The following OR7D4 variants were observed in gnomAD, a reference collection of about 807,000 sequenced individuals.
OR7D4 encodes the protein olfactory receptor family 7 subfamily D member 4, also known as olfactory receptor 7D4.
For missense variants in OR7D4, 319 were observed against 377.1 expected, an observed-to-expected ratio of 0.85 and a Z score of 1.27; for synonymous variants, 154 against 158.4, an observed-to-expected ratio of 0.97 and a Z score of 0.21.
rs1200575174 is a variant in OR7D4, at chr19:9,212,007, C to T, written c.*1892G>A. ...AAGCCCTGTTCCTTCAATGGTCATT[C>T]ACTTTTCTCCTCTTCTACTTTTATT... On this transcript the variant is annotated 3_prime_UTR_variant, in exon 2 of 2. Coordinates refer to ENST00000641669, the MANE Select transcript of OR7D4 (RefSeq NM_001005191.3). 13 of 152,120 alleles carry T rather than the reference C, an allele frequency of 8.5e-5. No homozygotes were observed. 9.4% of individuals were successfully genotyped at this position (152,120 alleles called of 1,614,324 possible).
chr19:9,214,730 C>T lies in OR7D4; in HGVS notation c.108G>A (p.Leu36=). The change falls in exon 2 of 2, where the codon CTG becomes CTA. Residue 36 remains leucine (L), a synonymous_variant. Transcript: ENST00000641669. ...TGAGCAGGTTCCCCAGCACCGTGAC[C>T]AGGTACATGGACAGGAACAGCCCAA... The part of the protein sequence containing the change: ...VLFGLFLSMY[L]VTVLGNLLII... The T allele has an allele frequency of 6.2e-7, 1 of 1,613,998 alleles. No homozygotes were observed. The highest frequency in any genetic ancestry group is 8.5e-7 in the Non-Finnish European group (1 of 1,179,954).
In OR7D4 at chr19:9,212,946, T is replaced by C. The variant is rs964976828; in HGVS notation, c.*953A>G. 1.3e-5 allele frequency: 2 copies of C among 152,042 alleles called. No homozygotes were observed. The highest frequency in any genetic ancestry group is 2.9e-5 in the Non-Finnish European group (2 of 68,024). 9.4% of individuals were successfully genotyped at this position (152,042 alleles called of 1,614,324 possible). On this transcript the variant is annotated 3_prime_UTR_variant, in exon 2 of 2. Transcript: ENST00000641669. ...TTTATATCACTGTTTTTATGGAAAGTAGGATGGCAAAGTTAGAAGTGTGGG... is the reference window on the plus strand; with the variant it reads ...TTTATATCACTGTTTTTATGGAAAGCAGGATGGCAAAGTTAGAAGTGTGGG...
Position 9,210,697 on chromosome 19 carries a change from C to CACACACACACACACACACA in OR7D4, c.*3201_*3202insTGTGTGTGTGTGTGTGTGT, listed in dbSNP as rs2146000468. ...TTTACTAGGTGATCTCACACACACA[C>CACACACACACACACACACA]ACACACACACAACACACACAACACA... On this transcript the variant is annotated 3_prime_UTR_variant, in exon 2 of 2. Coordinates refer to ENST00000641669, the MANE Select transcript of OR7D4 (RefSeq NM_001005191.3). 6.6e-6 allele frequency: 1 copy of CACACACACACACACACACA among 152,264 alleles called. No homozygotes were observed. Among genetic ancestry groups the CACACACACACACACACACA allele is most frequent in the African/African-American group, 2.4e-5 (1 of 41,466 alleles). 9.4% of individuals were successfully genotyped at this position (152,264 alleles called of 1,614,324 possible). A position where few individuals can be genotyped will look rare whatever the true frequency, so the allele number is the denominator to read the frequency against.
intron 1 of OR7D4, 38 bp from the exon 2 acceptor site, chr19:9,214,888 A>G: frequency 9.6e-7 from 1 of 1,037,196 alleles, no homozygotes; most frequent in South Asian, 1.5e-5. Context: ...TTTAATGAAC[A>G]GCAAGTGGCA....
In OR7D4 at chr19:9,213,674, G is replaced by T. The variant is rs1359364112; in HGVS notation, c.*225C>A. 1 of 508,964 alleles carries T rather than the reference G, an allele frequency of 2.0e-6. No homozygotes were observed. Among genetic ancestry groups the T allele is most frequent in the South Asian group, 2.3e-5 (1 of 43,092 alleles). 31.5% of individuals were successfully genotyped at this position (508,964 alleles called of 1,614,324 possible). A position where few individuals can be genotyped will look rare whatever the true frequency, so the allele number is the denominator to read the frequency against. ...AACCGCTTCAACCTGGGAGGTAGAG[G>T]TTGCAGTGAGCCAAGATTGCACCAC... On this transcript the variant is annotated 3_prime_UTR_variant, in exon 2 of 2. Transcript: ENST00000641669.
chr19:9,214,142 C>G lies in OR7D4; in HGVS notation c.696G>C (p.Lys232Asn), dbSNP rs1461968826. The G allele has an allele frequency of 6.2e-7, 1 of 1,614,090 alleles. No individual in the cohort carries two copies. The highest frequency in any genetic ancestry group is 8.5e-7 in the Non-Finnish European group (1 of 1,179,984). Reference protein sequence around the residue: ...VSSLMGMSSTKGKYKAFSTCG... With the variant: ...VSSLMGMSSTNGKYKAFSTCG... Reference sequence around the variant, plus strand: ...AGGTGGAAAAGGCTTTGTACTTGCCCTTGGTGGAGGACATTCCCATTAAGG... The same window carrying G: ...AGGTGGAAAAGGCTTTGTACTTGCCGTTGGTGGAGGACATTCCCATTAAGG... Residue 232 changes from lysine to asparagine, a missense_variant, in exon 2 of 2, where the codon AAG becomes AAC. Lys to Asn is a moderately conservative substitution (Grantham distance 94). Coordinates refer to ENST00000641669, the MANE Select transcript of OR7D4 (RefSeq NM_001005191.3).
rs562644717 is a variant in OR7D4, at chr19:9,210,492, T to G, written c.*3407A>C. 6.6e-6 allele frequency: 1 copy of G among 152,272 alleles called. No individual in the cohort carries two copies. Among genetic ancestry groups the G allele is most frequent in the Non-Finnish European group, 1.5e-5 (1 of 68,132 alleles). 9.4% of individuals were successfully genotyped at this position (152,272 alleles called of 1,614,324 possible). On this transcript the variant is annotated 3_prime_UTR_variant, in exon 2 of 2. Coordinates refer to ENST00000641669, the MANE Select transcript of OR7D4 (RefSeq NM_001005191.3). ...ACCTGGACATGGTGGCGCAGGAGGA[T>G]TACTTGAGGCCAGGAATTCAAGGCT...
chr19:9,215,341 C>CAAAAA (rs56111510), intron 1 of OR7D4, among the ~76,000 whole-genome samples: 2 of 83,132 alleles, frequency 2.4e-5, no homozygotes, highest in Non-Finnish European at 5.2e-5. Flanking sequence ...GACTCCGTCT[C>CAAAAA]AAAAAAAAAA....
At position 9,214,504 on chromosome 19, in the gene OR7D4, T is replaced by C. The variant is rs755062033; in HGVS notation, c.334A>G (p.Thr112Ala). The C allele has an allele frequency of 6.2e-7, 1 of 1,613,978 alleles. No homozygotes were observed. The highest frequency in any genetic ancestry group is 2.2e-5 in the East Asian group (1 of 44,872). Residue 112 changes from threonine to alanine, a missense_variant, in exon 2 of 2, where the codon ACT (threonine) becomes GCT (alanine). Coordinates refer to ENST00000641669, the MANE Select transcript of OR7D4 (RefSeq NM_001005191.3). Reference sequence around the variant, plus strand: ...TAGGCCATCACGGCCAGTAGGAAAGTATCCATTCCAGCAAACATCATTAAA... The same window carrying C: ...TAGGCCATCACGGCCAGTAGGAAAGCATCCATTCCAGCAAACATCATTAAA... ...YFLMMFAGMD[T>A]FLLAVMAYDR...
Position 9,214,091 on chromosome 19 carries a change from G to A in OR7D4, c.747C>T (p.Ser249=). Residue 249 remains serine (S), a synonymous_variant, in exon 2 of 2, where the codon TCC becomes TCT. Coordinates refer to ENST00000641669, the MANE Select transcript of OR7D4 (RefSeq NM_001005191.3). ...CCCCAAGTCCTGTTCCATAGAACAA[G>A]GAGACCACACAGAGGTGAGATCCAC... The part of the protein sequence containing the change: ...STCGSHLCVV[S]LFYGTGLGVY... 2 of 1,614,212 alleles carry A rather than the reference G, an allele frequency of 1.2e-6. No individual in the cohort carries two copies. Among genetic ancestry groups the A allele is most frequent in the Non-Finnish European group, 1.7e-6 (2 of 1,180,032 alleles).
intron 1 of OR7D4, among the ~76,000 whole-genome samples, chr19:9,216,190 AC>A (rs1334253893): frequency 2.0e-5 from 3 of 151,636 alleles, no homozygotes; most frequent in African/African-American, 7.3e-5. Flanking sequence ...GAGATCTGCC[AC>A]CCCCTGCACC....
rs766467066 is a variant in OR7D4, at chr19:9,214,279, C to T, written c.559G>A (p.Val187Met). 8 of 1,614,144 alleles carry T rather than the reference C, an allele frequency of 5.0e-6. No homozygotes were observed. The Admixed American group carries it at 1.3e-4, about 27-fold the overall frequency. ...FFCEPAQVLK[V>M]ACSNTLLNNI... is the part of the protein sequence containing the mutation. ...TTGAGGAGGGTGTTAGAGCAGGCCA[C>T]CTTGAGGACCTGAGCCGGTTCACAG... Residue 187 changes from valine to methionine, a missense_variant, in exon 2 of 2, where the codon GTG becomes ATG. Val to Met is a conservative substitution (Grantham distance 21). Coordinates refer to ENST00000641669, the MANE Select transcript of OR7D4 (RefSeq NM_001005191.3).
At position 9,215,355 on chromosome 19, in the gene OR7D4, A is replaced by C. The variant is rs918866865; in HGVS notation, c.-13-505T>G. 1.1e-4 allele frequency among the ~76,000 whole-genome samples: 16 copies of C among 151,956 alleles called. 1 individual carries two copies. Among genetic ancestry groups the C allele is most frequent in the African/African-American group, 3.4e-4 (14 of 41,388 alleles). On this transcript the variant is annotated intron_variant, in intron 1 of 1. Coordinates refer to ENST00000641669, the MANE Select transcript of OR7D4 (RefSeq NM_001005191.3). Reference sequence around the variant, plus strand: ...AGACTCCGTCTCAAAAAAAAAAAAAAAAAAAAAAAACCTCTTTTTTTCATT... The same window carrying C: ...AGACTCCGTCTCAAAAAAAAAAAAACAAAAAAAAAACCTCTTTTTTTCATT...
rs756620170 is a variant in OR7D4, at chr19:9,214,613, G to A, written c.225C>T (p.Ser75=). The change falls in exon 2 of 2, where the codon TCC becomes TCT. Residue 75 remains serine, a synonymous_variant. Coordinates refer to ENST00000641669, the MANE Select transcript of OR7D4 (RefSeq NM_001005191.3). ...TCACTAGCATCTTGGGGACTGTGGTGGAGATGAAACAGATGTCAACAAAGG... is the reference window on the plus strand; with the variant it reads ...TCACTAGCATCTTGGGGACTGTGGTAGAGATGAAACAGATGTCAACAAAGG... The part of the protein sequence containing the change: ...NLSFVDICFI[S]TTVPKMLVSI... The A allele has an allele frequency of 3.2e-5, 52 of 1,613,978 alleles. No individual in the cohort carries two copies. Among genetic ancestry groups the A allele is most frequent in the East Asian group, 6.7e-5 (3 of 44,878 alleles).
At position 9,214,397 on chromosome 19, in the gene OR7D4, T is replaced by G. The variant is rs182840707; in HGVS notation, c.441A>C (p.Ala147=). 6.2e-7 allele frequency: 1 copy of G among 1,614,080 alleles called. No individual in the cohort carries two copies. The highest frequency in any genetic ancestry group is 1.3e-5 in the African/African-American group (1 of 75,004). The part of the protein sequence containing the change: ...NPCLCGLLVL[A]SWFIIFWFSL... ...AGAACCAGAAAATGATGAACCAAGA[T>G]GCCAGAACCAGGAGGCCACAGAGGC... The change falls in exon 2 of 2, where the codon GCA becomes GCC. Residue 147 remains alanine, a synonymous_variant. Transcript: ENST00000641669.
Position 9,213,061 on chromosome 19 carries a change from A to G in OR7D4, c.*838T>C, listed in dbSNP as rs1384918887. The G allele has an allele frequency of 6.6e-6, 1 of 152,218 alleles. No individual in the cohort carries two copies. Among genetic ancestry groups the G allele is most frequent in the African/African-American group, 2.4e-5 (1 of 41,462 alleles). The allele number at this position is 152,218 out of a possible 1,614,324, so 9.4% of individuals were successfully genotyped here. A position where few individuals can be genotyped will look rare whatever the true frequency, so the allele number is the denominator to read the frequency against. ...TGAATGAGACAAAATTTCTCACGAA[A>G]TGTTTTCAGGATTGAATAACATCAG... On this transcript the variant is annotated 3_prime_UTR_variant, in exon 2 of 2. Transcript: ENST00000641669.
rs186948719 is a variant in OR7D4 at position 9,214,538 on chromosome 19, C to T, written c.300G>A (p.Gln100=). ...KDISYMGCLT[Q]VYFLMMFAGM... Reference sequence around the variant, plus strand: ...CAGCAAACATCATTAAAAAATACACCTGAGTGAGGCACCCCATGTAGGAGA... The same window carrying T: ...CAGCAAACATCATTAAAAAATACACTTGAGTGAGGCACCCCATGTAGGAGA... The change falls in exon 2 of 2, where the codon CAG becomes CAA. Residue 100 remains glutamine, a synonymous_variant. Transcript: ENST00000641669. 3 of 1,614,118 alleles carry T rather than the reference C, an allele frequency of 1.9e-6. No individual in the cohort carries two copies. The African/African-American group carries it at 4.0e-5, about 22-fold the overall frequency.
rs1477350762 is a variant in OR7D4, at chr19:9,211,306, A to T, written c.*2593T>A. On this transcript the variant is annotated 3_prime_UTR_variant, in exon 2 of 2. Coordinates refer to ENST00000641669, the MANE Select transcript of OR7D4 (RefSeq NM_001005191.3). ...CACGAGATGACTGCAACCCTGGCTG[A>T]CATCTGATTGCAGTCTTGTTAGATA... is the stretch of plus-strand genomic sequence containing the variant. 1.3e-5 allele frequency: 2 copies of T among 152,244 alleles called. No individual in the cohort carries two copies. The highest frequency in any genetic ancestry group is 2.9e-5 in the Non-Finnish European group (2 of 68,044). 9.4% of individuals were successfully genotyped at this position (152,244 alleles called of 1,614,324 possible). A position where few individuals can be genotyped will look rare whatever the true frequency, so the allele number is the denominator to read the frequency against.
In OR7D4 at chr19:9,213,832, A is replaced by G. The variant is rs142238982; in HGVS notation, c.*67T>C. ...TTTTAAAAGAGAAAAAGAGCCGGAT[A>G]TTTAAACCCACAACATTTGCCTTAG... On this transcript the variant is annotated 3_prime_UTR_variant, in exon 2 of 2. Transcript: ENST00000641669. 112 of 1,144,186 alleles carry G rather than the reference A, an allele frequency of 9.8e-5. No individual in the cohort carries two copies. The highest frequency in any genetic ancestry group is 1.3e-4 in the Non-Finnish European group (102 of 786,638). The allele number at this position is 1,144,186 out of a possible 1,614,324, so 70.9% of individuals were successfully genotyped here.
Sources: gnomAD v4.1 joint callset for allele counts (sites outside exome capture counted in the v4.1 genomes callset) on GRCh38, gnomAD v4.1.1 for gene constraint, MANE v1.5 for transcripts, NCBI Gene and HGNC (gene_info 2026-07-23, HGNC 2026-07-21) for gene names.